The following CS variants were observed in gnomAD, a reference collection of about 807,000 sequenced individuals.
CS encodes citrate synthase.
Under a neutral mutation model 61.4 loss-of-function variants are expected in CS, and 13 were observed. The ratio of observed to expected loss-of-function variants is 0.21; its 90% confidence interval spans 0.14 to 0.34. CS has a LOEUF of 0.34. Among genes scored for constraint, CS ranks in the 10% least tolerant of loss-of-function variants. The pLI, the probability that CS is intolerant of heterozygous loss-of-function variation, is 1.00. For missense variants in CS, 278 were observed against 573.4 expected (o/e 0.48, Z 5.26); for synonymous variants, 159 against 215.2 (o/e 0.74, Z 2.29).
At chr12:56,286,666 C>A (rs1872948214) in intron 1 of CS, 21 bp from the exon 2 acceptor site, 5 of 1,610,014 alleles carry the variant, frequency 3.1e-6, no homozygotes, top group South Asian at 1.1e-5. Flanking sequence ...AAAAAGAGAA[C>A]CTTATGTAAC....
At chr12:56,276,683 A>G (rs968125776) in intron 6 of CS, among the ~76,000 whole-genome samples, 1 of 152,170 alleles carries the variant, frequency 6.6e-6, no homozygotes, top group African/African-American at 2.4e-5. Context: ...CTGGGATTAC[A>G]GGCATGTGCC....
intron 2 of CS, 92 bp from the exon 3 acceptor site, chr12:56,286,115 C>T (rs1872932751): frequency 1.1e-6 from 1 of 950,640 alleles, no homozygotes; most frequent in African/African-American, 1.6e-5. Flanking sequence ...TTTTTAGAAG[C>T]TGGCTTTATC....
Position 56,273,070 on chromosome 12 carries a change from C to T in CS, c.*14G>A, listed in dbSNP as rs1872552081. 6.3e-7 allele frequency: 1 copy of T among 1,593,166 alleles called. No homozygotes were observed. The highest frequency in any genetic ancestry group is 1.1e-5 in the South Asian group (1 of 87,854). On this transcript the variant is annotated 3_prime_UTR_variant, in exon 11 of 11. Coordinates refer to ENST00000351328, the MANE Select transcript of CS (RefSeq NM_004077.3). ...CCTCACTTTCTGGTAGTCACTTTCA[C>T]CCAGTCTCCAGTTTTACCCTGACTT...
In CS at chr12:56,276,147, C is replaced by A; in HGVS notation, c.637G>T (p.Ala213Ser). The A allele has an allele frequency of 6.2e-7, 1 of 1,614,032 alleles. No homozygotes were observed. The highest frequency in any genetic ancestry group is 8.5e-7 in the Non-Finnish European group (1 of 1,180,024). The change falls in exon 7 of 11, where the codon GCA becomes TCA. Residue 213 changes from alanine (A) to serine (S), a missense_variant. Coordinates refer to ENST00000351328, the MANE Select transcript of CS (RefSeq NM_004077.3). ...TAGAGATTTCGGTAGATCTTTGCTG[C>A]AACACAAGGTAGCTTTGCGATTAGA... ...MDLIAKLPCV[A>S]AKIYRNLYRE...
chr12:56,273,538 A>G, intron 10 of CS, 49 bp downstream of exon 10: 2 of 1,571,194 alleles, frequency 1.3e-6, no homozygotes, highest in East Asian at 2.2e-5. Flanking sequence ...GGCAGATAAC[A>G]ATAGGGTTTG....
Position 56,295,909 on chromosome 12 carries a change from G to A in CS, c.42+4251C>T, listed in dbSNP as rs186128804. Among the ~76,000 whole-genome samples, 210 of 124,146 alleles carry A rather than the reference G, an allele frequency of 1.7e-3. 3 individuals are homozygous for A. The highest frequency in any genetic ancestry group is 6.3e-3 in the African/African-American group (203 of 32,278). 81.4% of individuals were successfully genotyped at this position (124,146 alleles called of 152,430 possible). ...GCGGATCTTGCAGTGAGCCGGGATCGAGCCACCGCACTCTAGCCTAGGCGA... is the reference window on the plus strand; with the variant it reads ...GCGGATCTTGCAGTGAGCCGGGATCAAGCCACCGCACTCTAGCCTAGGCGA... On this transcript the variant is annotated intron_variant, in intron 1 of 10. Coordinates refer to ENST00000351328, the MANE Select transcript of CS (RefSeq NM_004077.3).
At chr12:56,283,384 C>T (rs1297066542) in intron 4 of CS, among the ~76,000 whole-genome samples, 1 of 152,142 alleles carries the variant, frequency 6.6e-6, no homozygotes, top group South Asian at 2.1e-4. Context: ...GCTGGGACTA[C>T]AGGTGCCTGC....
intron 1 of CS, chr12:56,291,196 C>T (rs1317958787): frequency 8.7e-7 from 1 of 1,155,568 alleles, no homozygotes; most frequent in Non-Finnish European, 1.1e-6. Flanking sequence ...TTGTTTCTTA[C>T]AAATGTGTTG....
chr12:56,290,405 G>T (rs866000880), intron 1 of CS, among the ~76,000 whole-genome samples: 9 of 151,842 alleles, frequency 5.9e-5, no homozygotes, highest in Middle Eastern at 3.4e-3. Context: ...TAGAGATGGG[G>T]TTTCACTATG....
Position 56,274,951 on chromosome 12 carries a change from A to G in CS, c.918+51T>C, listed in dbSNP as rs1474191661. 5 of 1,610,810 alleles carry G rather than the reference A, an allele frequency of 3.1e-6. No homozygotes were observed. In the South Asian group the frequency reaches 5.5e-5, roughly 18 times the overall value. ...AAGAGAATGCCAAGATCAGAAACAA[A>G]GCATGGGGTAAGGAAAACATGTAGC... On this transcript the variant is annotated intron_variant, in intron 8 of 10. Coordinates refer to ENST00000351328, the MANE Select transcript of CS (RefSeq NM_004077.3).
At chr12:56,273,966 T>G in intron 9 of CS, 170 bp from the exon 10 acceptor site, 2 of 596,486 alleles carry the variant, frequency 3.4e-6, no homozygotes, top group Non-Finnish European at 6.0e-6. Flanking sequence ...CCAGAGTAGC[T>G]GGGACCACAG....
At chr12:56,293,300 C>T (rs1209051701) in intron 1 of CS, among the ~76,000 whole-genome samples, 1 of 152,212 alleles carries the variant, frequency 6.6e-6, no homozygotes, top group Non-Finnish European at 1.5e-5. Flanking sequence ...ATATGTCCTA[C>T]CACATATCCA....
rs531365770 is a variant in CS, at chr12:56,292,730, C to CAA, written c.43-6087_43-6086dup. 9.3e-3 allele frequency among the ~76,000 whole-genome samples: 528 copies of CAA among 56,856 alleles called. 3 individuals carry two copies. The highest frequency in any genetic ancestry group is 0.013 in the East Asian group (24 of 1,816). The allele number at this position is 56,856 out of a possible 152,430, so 37.3% of individuals were successfully genotyped here. ...AAACCCCATCTCTACTAAAAAAATACAAAAAAAAAAAAAAAAAAAAAAAAT... is the reference window on the plus strand; with the variant it reads ...AAACCCCATCTCTACTAAAAAAATACAAAAAAAAAAAAAAAAAAAAAAAAAAT... On this transcript the variant is annotated intron_variant, in intron 1 of 10. Transcript: ENST00000351328.
chr12:56,299,514 T>C (rs1012880777), intron 1 of CS, among the ~76,000 whole-genome samples: 8 of 152,162 alleles, frequency 5.3e-5, no homozygotes, highest in Admixed American at 3.9e-4. Context: ...TCTGCAATCA[T>C]GTATGATAGT....
chr12:56,285,850 G>A (rs2135918870), intron 3 of CS, 66 bp downstream of exon 3: 1 of 1,255,528 alleles, frequency 8.0e-7, no homozygotes. Context: ...TCAGTGGAGA[G>A]AATGTTACTT....
intron 3 of CS, chr12:56,285,243 G>A: frequency 2.2e-6 from 1 of 446,024 alleles, no homozygotes; most frequent in Non-Finnish European, 4.5e-6. Context: ...ACTGCAACAG[G>A]CCTGGAAATG....
At chr12:56,291,254 C>A in intron 1 of CS, 1 of 1,119,448 alleles carries the variant, frequency 8.9e-7, no homozygotes, top group Non-Finnish European at 1.1e-6. Flanking sequence ...AGTTGGATCC[C>A]AGGAAAGAGG....
intron 4 of CS, 42 bp downstream of exon 4, chr12:56,283,750 C>A: frequency 6.6e-7 from 1 of 1,504,314 alleles, no homozygotes; most frequent in Admixed American, 1.7e-5. Context: ...CGTATTTGCA[C>A]AAACTCAATG....
chr12:56,282,790 A>C lies in CS; in HGVS notation c.399+70T>G, dbSNP rs1872813305. 3 of 1,602,246 alleles carry C rather than the reference A, an allele frequency of 1.9e-6. No homozygotes were observed. In the African/African-American group the frequency reaches 4.0e-5, roughly 21 times the overall value. ...CTCTATAAATGCCGGATCAGCATTA[A>C]GTGTCTGAGATTAGAGAAAGGCAAT... On this transcript the variant is annotated intron_variant, in intron 5 of 10. Transcript: ENST00000351328.
Sources: allele counts gnomAD v4.1 joint callset (sites outside exome capture counted in the v4.1 genomes callset), GRCh38; gene constraint gnomAD v4.1.1; transcripts MANE v1.5; gene names NCBI Gene and HGNC (gene_info 2026-07-23, HGNC 2026-07-21).